OXR1: variants seen among roughly 807,000 people sequenced by gnomAD.
The protein encoded by OXR1 is oxidation resistance 1.
A neutral mutation model predicts 104.6 loss-of-function variants in OXR1; 41 were observed. The ratio of observed to expected loss-of-function variants is 0.39; its 90% CI spans 0.31 to 0.51. The LOEUF (loss-of-function observed/expected upper bound fraction) is 0.51, where lower values mean the gene tolerates loss of function less well. OXR1 is among the 20% of genes least tolerant of loss of function. The pLI is 0.77. For missense variants in OXR1, 955 were observed against 1,031.9 expected, an observed-to-expected ratio of 0.93 and a Z score of 1.02; for synonymous variants, 348 against 348.4, an observed-to-expected ratio of 1.00 and a Z score of 0.01.
At chr8:106,609,801 C>T (rs1447332382) in intron 3 of OXR1, among the ~76,000 whole-genome samples, 2 of 151,412 alleles carry the variant, frequency 1.3e-5, no homozygotes, top group Non-Finnish European at 2.9e-5. Flanking sequence ...AATTTACACT[C>T]AAATGGTTCA....
chr8:106,270,931 G>A (rs1366456347), intron 1 of OXR1, among the ~76,000 whole-genome samples: 2 of 152,126 alleles, frequency 1.3e-5, no homozygotes, highest in African/African-American at 2.4e-5. Context: ...ATAATTTGGG[G>A]AATCAGTAAA....
At chr8:106,288,793 A>G (rs1051782693) in intron 1 of OXR1, among the ~76,000 whole-genome samples, 3 of 149,812 alleles carry the variant, frequency 2.0e-5, no homozygotes, top group African/African-American at 7.3e-5. Flanking sequence ...ATGTGTACAT[A>G]TATATAGTAT....
intron 2 of OXR1, among the ~76,000 whole-genome samples, chr8:106,387,490 G>T (rs969394805): frequency 3.3e-5 from 5 of 152,066 alleles, no homozygotes; most frequent in Non-Finnish European, 5.9e-5. Flanking sequence ...TTTTGAGATT[G>T]TTGGGTGTTT....
intron 3 of OXR1, among the ~76,000 whole-genome samples, chr8:106,587,578 A>G (rs1818725663): frequency 6.6e-6 from 1 of 152,194 alleles, no homozygotes; most frequent in African/African-American, 2.4e-5. Flanking sequence ...AATGTTCTCA[A>G]ATGATGGGCT....
chr8:106,631,165 T>A (rs1253443166), intron 3 of OXR1, among the ~76,000 whole-genome samples: 4 of 152,212 alleles, frequency 2.6e-5, no homozygotes. Flanking sequence ...AAGAGCTGAC[T>A]TAACCCTGTG....
At chr8:106,535,744 C>A (rs747714673) in intron 3 of OXR1, among the ~76,000 whole-genome samples, 1 of 152,104 alleles carries the variant, frequency 6.6e-6, no homozygotes, top group Non-Finnish European at 1.5e-5. Context: ...CCATCCCTAG[C>A]AAATCCTCCC....
At chr8:106,678,126 T>G (rs1043095719) in intron 3 of OXR1, among the ~76,000 whole-genome samples, 1 of 151,936 alleles carries the variant, frequency 6.6e-6, no homozygotes, top group Non-Finnish European at 1.5e-5. Flanking sequence ...TCAGGAAGGT[T>G]TTAGGATAGT....
chr8:106,486,993 AG>A (rs1322637292), intron 2 of OXR1, among the ~76,000 whole-genome samples: 1 of 150,632 alleles, frequency 6.6e-6, no homozygotes, highest in Non-Finnish European at 1.5e-5. Flanking sequence ...AAATATTGTG[AG>A]GCCTTCCTTG....
chr8:106,701,845 A>G (rs1054952710), intron 7 of OXR1, among the ~76,000 whole-genome samples: 2 of 152,252 alleles, frequency 1.3e-5, no homozygotes, highest in Non-Finnish European at 2.9e-5. Flanking sequence ...CATATAAAGC[A>G]TGGTACATAT....
intron 3 of OXR1, among the ~76,000 whole-genome samples, chr8:106,554,537 G>A (rs996490425): frequency 1.3e-5 from 2 of 152,132 alleles, no homozygotes; most frequent in Non-Finnish European, 2.9e-5. Context: ...TCCTAATTTC[G>A]ATAATTGCAC....
At chr8:106,607,361 T>C (rs1820479411) in intron 3 of OXR1, among the ~76,000 whole-genome samples, 1 of 152,232 alleles carries the variant, frequency 6.6e-6, no homozygotes, top group African/African-American at 2.4e-5. Context: ...TCCCCTCTGA[T>C]TGCAAGGGCA....
intron 3 of OXR1, among the ~76,000 whole-genome samples, chr8:106,564,003 A>G (rs562567004): frequency 6.6e-6 from 1 of 152,346 alleles, no homozygotes; most frequent in East Asian, 1.9e-4. Flanking sequence ...TTAGAGGGAA[A>G]TTTATAGTAC....
intron 2 of OXR1, among the ~76,000 whole-genome samples, chr8:106,444,891 A>AC (rs1819949420): frequency 6.6e-6 from 1 of 152,108 alleles, no homozygotes; most frequent in Non-Finnish European, 1.5e-5. Flanking sequence ...ACACACACAT[A>AC]CCCCCCATAT....
intron 11 of OXR1, among the ~76,000 whole-genome samples, chr8:106,719,095 G>T (rs1832590856): frequency 6.6e-6 from 1 of 152,166 alleles, no homozygotes; most frequent in African/African-American, 2.4e-5. Flanking sequence ...ATTTCTGCCG[G>T]TATTCAACAC....
chr8:106,281,158 T>C (rs1324508306), intron 1 of OXR1, among the ~76,000 whole-genome samples: 2 of 152,040 alleles, frequency 1.3e-5, no homozygotes, highest in East Asian at 1.9e-4. Context: ...TAGAGCATAG[T>C]TTGGTGCCAC....
At chr8:106,531,656 A>G (rs926724216) in intron 3 of OXR1, among the ~76,000 whole-genome samples, 6 of 152,232 alleles carry the variant, frequency 3.9e-5, no homozygotes, top group African/African-American at 7.2e-5. Flanking sequence ...TTTCTTTTCC[A>G]GTTAGATAGA....
At chr8:106,641,594 G>C (rs921426882) in intron 3 of OXR1, among the ~76,000 whole-genome samples, 6 of 152,150 alleles carry the variant, frequency 3.9e-5, no homozygotes, top group Non-Finnish European at 5.9e-5. Context: ...TTTCTTAATT[G>C]AGTATTAGTA....
At chr8:106,518,896 T>A in intron 2 of OXR1, 47 bp from the exon 3 acceptor site, 1 of 1,359,412 alleles carries the variant, frequency 7.4e-7, no homozygotes, top group Admixed American at 2.5e-5. Flanking sequence ...GGAACAAATG[T>A]GTCTCTAGAA....
intron 2 of OXR1, among the ~76,000 whole-genome samples, chr8:106,492,537 A>C (rs1177593786): frequency 6.6e-6 from 1 of 152,188 alleles, no homozygotes; most frequent in African/African-American, 2.4e-5. Flanking sequence ...CAGGCGTACC[A>C]AGTAGGAGCT....
Sources: gnomAD v4.1 joint callset for allele counts (sites outside exome capture counted in the v4.1 genomes callset) on GRCh38, gnomAD v4.1.1 for gene constraint, MANE v1.5 for transcripts, NCBI Gene and HGNC (gene_info 2026-07-23, HGNC 2026-07-21) for gene names.